Variants in POU6F2 observed in about 807,000 individuals in gnomAD.
POU6F2 encodes the protein POU domain, class 6, transcription factor 2.
POU6F2 carries 31 observed loss-of-function variants against 71.3 expected under a neutral mutation model. The ratio of observed to expected loss-of-function variants is 0.43; its 90% confidence interval spans 0.33 to 0.59. The LOEUF (loss-of-function observed/expected upper bound fraction) is 0.59, where lower values mean the gene tolerates loss of function less well. POU6F2 is among the 20% of genes least tolerant of loss of function. POU6F2 has a pLI of 0.04. For synonymous variants in POU6F2, 347 were observed against 355.7 expected (o/e 0.98, Z 0.27); for missense variants, 783 against 856.8 (o/e 0.91, Z 1.07).
At chr7:39,384,997 G>A (rs746238232) in intron 5 of POU6F2, among the ~76,000 whole-genome samples, 4 of 150,854 alleles carry the variant, frequency 2.7e-5, no homozygotes, top group Admixed American at 6.7e-5. Flanking sequence ...GTTGTTTTTT[G>A]TATATATGTG....
chr7:39,141,223 A>T (rs960721480), intron 2 of POU6F2, among the ~76,000 whole-genome samples: 2 of 152,176 alleles, frequency 1.3e-5, no homozygotes, highest in African/African-American at 4.8e-5. Flanking sequence ...ATAATTATTG[A>T]TTATCAATAC....
At chr7:39,431,919 G>A (rs907099258) in intron 6 of POU6F2, among the ~76,000 whole-genome samples, 1 of 152,216 alleles carries the variant, frequency 6.6e-6, no homozygotes, top group African/African-American at 2.4e-5. Context: ...AGCCCTTGAA[G>A]GCAACCGGAA....
At chr7:39,027,638 G>A (rs773984715) in intron 1 of POU6F2, among the ~76,000 whole-genome samples, 9 of 152,134 alleles carry the variant, frequency 5.9e-5, no homozygotes, top group Non-Finnish European at 1.2e-4. Flanking sequence ...TTTGGCATGT[G>A]GGACAATGTA....
chr7:39,382,181 A>G (rs1241884963), intron 5 of POU6F2, among the ~76,000 whole-genome samples: 1 of 152,198 alleles, frequency 6.6e-6, no homozygotes, highest in Non-Finnish European at 1.5e-5. Flanking sequence ...AAAAGCATGG[A>G]AGATTATAAT....
intron 2 of POU6F2, among the ~76,000 whole-genome samples, chr7:39,118,528 A>G (rs1350761728): frequency 1.3e-5 from 2 of 152,152 alleles, no homozygotes; most frequent in Non-Finnish European, 2.9e-5. Context: ...AAATATGATG[A>G]CTGAAATTAA....
intron 4 of POU6F2, among the ~76,000 whole-genome samples, chr7:39,332,552 A>T (rs548242485): frequency 6.6e-6 from 1 of 152,212 alleles, no homozygotes; most frequent in African/African-American, 2.4e-5. Flanking sequence ...CCCTGGCCAG[A>T]CAGTTGAGTT....
At chr7:39,421,149 C>T (rs1030331747) in intron 6 of POU6F2, among the ~76,000 whole-genome samples, 6 of 151,992 alleles carry the variant, frequency 3.9e-5, no homozygotes, top group South Asian at 2.1e-4. Context: ...TGCAATTTTA[C>T]GAGAAAAACT....
At chr7:39,230,193 A>G (rs1166457335) in intron 4 of POU6F2, among the ~76,000 whole-genome samples, 4 of 152,154 alleles carry the variant, frequency 2.6e-5, no homozygotes, top group African/African-American at 9.7e-5. Flanking sequence ...AAGAAGTTCA[A>G]GGTAGGCCAG....
intron 4 of POU6F2, among the ~76,000 whole-genome samples, chr7:39,277,234 A>G (rs1287494376): frequency 6.6e-6 from 1 of 152,088 alleles, no homozygotes; most frequent in African/African-American, 2.4e-5. Context: ...AATCAGAAAA[A>G]CACATTTTTA....
chr7:39,008,035 T>C (rs2128702025), intron 1 of POU6F2, among the ~76,000 whole-genome samples: 1 of 139,772 alleles, frequency 7.2e-6, no homozygotes, highest in South Asian at 2.7e-4. Context: ...CCTTTGGGTA[T>C]ATACCCAGTA....
intron 1 of POU6F2, among the ~76,000 whole-genome samples, chr7:39,071,654 A>AACACACAC (rs10522287): frequency 1.0e-3 from 146 of 142,152 alleles, no homozygotes; most frequent in Admixed American, 1.6e-3. Flanking sequence ...TCTCTAAAGA[A>AACACACAC]ACACACACAC....
chr7:39,455,323 T>A (rs568840671), intron 8 of POU6F2, among the ~76,000 whole-genome samples: 220 of 152,270 alleles, frequency 1.4e-3, no homozygotes, highest in Admixed American at 1.2e-3. Context: ...AACTATAAAG[T>A]GAACTTAAAG....
intron 2 of POU6F2, among the ~76,000 whole-genome samples, chr7:39,154,733 ATGACAAC>A (rs1792832607): frequency 1.3e-5 from 2 of 151,970 alleles, no homozygotes. Context: ...TGAAAAAAAG[ATGACAAC>A]TGGGGAAGAG....
intron 6 of POU6F2, among the ~76,000 whole-genome samples, chr7:39,422,048 G>GA (rs1415626276): frequency 6.6e-6 from 1 of 152,164 alleles, no homozygotes; most frequent in South Asian, 2.1e-4. Flanking sequence ...TTTTAAGGGG[G>GA]AAAAAATGTT....
intron 1 of POU6F2, among the ~76,000 whole-genome samples, chr7:39,052,834 G>A (rs1195762741): frequency 2.0e-5 from 3 of 152,142 alleles, no homozygotes; most frequent in African/African-American, 7.2e-5. Flanking sequence ...GGGGTGCTCA[G>A]TGTGTGCCAG....
At chr7:39,209,934 A>G (rs908580864) in intron 4 of POU6F2, among the ~76,000 whole-genome samples, 6 of 152,160 alleles carry the variant, frequency 3.9e-5, no homozygotes, top group African/African-American at 1.2e-4. Context: ...CCTCTCTCAA[A>G]GGTGAGAGTT....
chr7:39,364,879 T>C lies in POU6F2; in HGVS notation c.972+24864T>C, dbSNP rs1583552704. The stretch of plus-strand genomic sequence containing the variant: ...TAGTGGTTGTACTGGTTTACATTCC[T>C]ACCAGCAGTGTGGAAGTGTTCCCTG... On this transcript the variant is annotated intron_variant, in intron 5 of 9. Coordinates refer to ENST00000518318, the MANE Select transcript of POU6F2 (RefSeq NM_001370959.1). Among the ~76,000 whole-genome samples the C allele has an allele frequency of 5.3e-5, 8 of 152,206 alleles. No homozygotes were observed. In the South Asian group the frequency reaches 1.7e-3, roughly 32 times the overall value.
intron 1 of POU6F2, among the ~76,000 whole-genome samples, chr7:39,015,707 C>A (rs1411203791): frequency 1.5e-3 from 9 of 6,040 alleles, no homozygotes; most frequent in East Asian, 0.014. Flanking sequence ...TTATATATAT[C>A]TATGTTATAT....
intron 4 of POU6F2, among the ~76,000 whole-genome samples, chr7:39,256,079 C>T (rs1225441387): frequency 1.3e-5 from 2 of 151,788 alleles, no homozygotes; most frequent in African/African-American, 2.4e-5. Context: ...TTCCCGGGTA[C>T]ATTCCTTGAA....
Sources: allele counts gnomAD v4.1 joint callset (sites outside exome capture counted in the v4.1 genomes callset), GRCh38; gene constraint gnomAD v4.1.1; transcripts MANE v1.5; gene names NCBI Gene and HGNC (gene_info 2026-07-23, HGNC 2026-07-21).